The following FRYL variants were observed in gnomAD, a reference collection of about 807,000 sequenced individuals.
FRYL encodes protein furry homolog-like.
In FRYL, 150 loss-of-function variants were observed where a neutral mutation model predicts 351.2. The observed-to-expected ratio is 0.43, with a 90% CI of 0.37 to 0.49. The LOEUF is 0.49. Ranked by LOEUF, FRYL falls within the 20% of genes least tolerant of loss-of-function variation. The probability of loss-of-function intolerance (pLI) is 0.00; values close to 1 mark genes in which losing one functional copy is unlikely to be tolerated. For synonymous variants in FRYL, 1,153 were observed against 1,257.1 expected (o/e 0.92, Z 1.75); for missense variants, 3,036 against 3,619.3 (o/e 0.84, Z 4.13).
At chr4:48,630,140 T>C (rs1161583786) in intron 4 of FRYL, among the ~76,000 whole-genome samples, 2 of 152,152 alleles carry the variant, frequency 1.3e-5, no homozygotes, top group African/African-American at 4.8e-5. Context: ...TTGGGGACTC[T>C]GACAAGTCCC....
chr4:48,608,636 G>T (rs1747356979), intron 9 of FRYL, among the ~76,000 whole-genome samples: 2 of 152,086 alleles, frequency 1.3e-5, no homozygotes, highest in South Asian at 4.1e-4. Flanking sequence ...AGGAATAAAA[G>T]TTCTCACTTG....
intron 2 of FRYL, among the ~76,000 whole-genome samples, chr4:48,693,295 CTTCT>C (rs1346655588): frequency 6.6e-6 from 1 of 152,100 alleles, no homozygotes; most frequent in African/African-American, 2.4e-5. Flanking sequence ...TTTTAAGATT[CTTCT>C]TTATCTATCT....
chr4:48,546,631 A>G (rs1731393310), intron 41 of FRYL: 1 of 204,920 alleles, frequency 4.9e-6, no homozygotes, highest in East Asian at 1.1e-4. Context: ...CTTTTTATAG[A>G]AAATTTTCTA....
At chr4:48,659,923 GAA>G (rs1760328031) in intron 3 of FRYL, among the ~76,000 whole-genome samples, 1 of 98,090 alleles carries the variant, frequency 1.0e-5, no homozygotes, top group African/African-American at 4.0e-5. Flanking sequence ...AGAAGGAGAA[GAA>G]GAAGAAGAAG....
intron 25 of FRYL, among the ~76,000 whole-genome samples, chr4:48,573,716 A>AT (rs1298918931): frequency 6.6e-6 from 1 of 151,740 alleles, no homozygotes; most frequent in Non-Finnish European, 1.5e-5. Flanking sequence ...TGCCTGGCTA[A>AT]TTTTTTGTAT....
At chr4:48,531,440 T>C (rs1727600278) in intron 49 of FRYL, 87 bp from the exon 50 acceptor site, 1 of 782,354 alleles carries the variant, frequency 1.3e-6, no homozygotes, top group Non-Finnish European at 2.1e-6. Flanking sequence ...AAAAATATTA[T>C]TTCTACAAAA....
At chr4:48,639,287 C>T (rs981584679) in intron 3 of FRYL, among the ~76,000 whole-genome samples, 4 of 151,862 alleles carry the variant, frequency 2.6e-5, no homozygotes, top group Admixed American at 1.3e-4. Flanking sequence ...ACTGACAGGA[C>T]GTGACTTCAA....
intron 18 of FRYL, among the ~76,000 whole-genome samples, chr4:48,589,535 A>T (rs149444011): frequency 4.9e-4 from 74 of 152,168 alleles, no homozygotes; most frequent in African/African-American, 1.6e-3. Context: ...CCAGACTGGG[A>T]TCTAGAGTGA....
At chr4:48,749,671 G>A (rs1773048924) in intron 1 of FRYL, among the ~76,000 whole-genome samples, 2 of 152,212 alleles carry the variant, frequency 1.3e-5, no homozygotes, top group Non-Finnish European at 2.9e-5. Context: ...GTGGCATAGA[G>A]AATGTTCTGG....
intron 1 of FRYL, among the ~76,000 whole-genome samples, chr4:48,740,245 A>C (rs1445892241): frequency 6.6e-6 from 1 of 151,946 alleles, no homozygotes; most frequent in African/African-American, 2.4e-5. Context: ...AGCATCCAAA[A>C]TACATAAAGA....
intron 3 of FRYL, among the ~76,000 whole-genome samples, chr4:48,677,141 T>C (rs545974835): frequency 1.3e-5 from 2 of 152,206 alleles, no homozygotes; most frequent in Non-Finnish European, 2.9e-5. Flanking sequence ...TTTAAAATAT[T>C]AGGCTACTTA....
intron 7 of FRYL, among the ~76,000 whole-genome samples, chr4:48,616,596 C>A (rs1268772991): frequency 6.6e-6 from 1 of 152,130 alleles, no homozygotes; most frequent in Non-Finnish European, 1.5e-5. Flanking sequence ...TTACAATGAT[C>A]AGTTGGCACA....
intron 3 of FRYL, among the ~76,000 whole-genome samples, chr4:48,675,466 T>C (rs1203994206): frequency 6.6e-6 from 1 of 152,190 alleles, no homozygotes; most frequent in Non-Finnish European, 1.5e-5. Flanking sequence ...CCCCAGGCAA[T>C]GAGGGACTTA....
In FRYL at chr4:48,710,606, G is replaced by T. The variant is rs1280338850; in HGVS notation, c.-291C>A. On this transcript the variant is annotated 5_prime_UTR_variant, in exon 2 of 64. Transcript: ENST00000358350. ...CATCTAGAAGCTTTTTTGATCTGGA[G>T]CTTGTACTTTACAGGCACTCGAGTG... 4 of 398,452 alleles carry T rather than the reference G, an allele frequency of 1.0e-5. No homozygotes were observed. The highest frequency in any genetic ancestry group is 1.8e-5 in the Non-Finnish European group (4 of 226,070). 24.7% of individuals were successfully genotyped at this position (398,452 alleles called of 1,614,324 possible). A position where few individuals can be genotyped will look rare whatever the true frequency, so the allele number is the denominator to read the frequency against.
At chr4:48,688,648 C>G (rs902904445) in intron 2 of FRYL, among the ~76,000 whole-genome samples, 29 of 142,744 alleles carry the variant, frequency 2.0e-4, no homozygotes, top group African/African-American at 7.4e-4. Context: ...ATTTAACCTT[C>G]TCTTAGTCAA....
chr4:48,538,122 T>C (rs1410968710), intron 47 of FRYL, among the ~76,000 whole-genome samples: 2 of 152,182 alleles, frequency 1.3e-5, no homozygotes, highest in African/African-American at 2.4e-5. Flanking sequence ...GAGTAATCAT[T>C]TTCAAAAGGC....
At chr4:48,592,432 G>C (rs1743611231) in intron 16 of FRYL, among the ~76,000 whole-genome samples, 2 of 151,618 alleles carry the variant, frequency 1.3e-5, no homozygotes, top group Non-Finnish European at 2.9e-5. Flanking sequence ...TCCTAACAAA[G>C]TAAACCTAAT....
chr4:48,648,780 G>T (rs1363419603), intron 3 of FRYL, among the ~76,000 whole-genome samples: 1 of 152,178 alleles, frequency 6.6e-6, no homozygotes, highest in African/African-American at 2.4e-5. Context: ...AACACCCATT[G>T]TATGATTCCA....
At position 48,515,128 on chromosome 4, in the gene FRYL, T is replaced by C; in HGVS notation, c.7837A>G (p.Ser2613Gly). The change falls in exon 56 of 64, where the codon AGT becomes GGT. Residue 2613 changes from serine (S) to glycine (G), a missense_variant. By Grantham distance (56) the Ser-to-Gly change is moderately conservative. This residue lies in a region of FRYL where 1,987 missense variants were observed against 2,311.7 expected (regional missense o/e 0.86). Transcript: ENST00000358350. The stretch of plus-strand genomic sequence containing the variant: ...TCTTCACAGACTGACTCGGGGTAAC[T>C]TTCAGGAGCTAGAGGCTCTGGCATT... ...TEMPEPLAPE[S>G]YPESVCEEDV... is the part of the protein sequence containing the mutation. 2 of 1,614,020 alleles carry C rather than the reference T, an allele frequency of 1.2e-6. No individual in the cohort carries two copies. Among genetic ancestry groups the C allele is most frequent in the South Asian group, 2.2e-5 (2 of 91,084 alleles).
Sources: allele counts gnomAD v4.1 joint callset (sites outside exome capture counted in the v4.1 genomes callset), GRCh38; gene constraint gnomAD v4.1.1; regional missense constraint gnomAD v4.1.1; transcripts MANE v1.5; gene names NCBI Gene and HGNC (gene_info 2026-07-23, HGNC 2026-07-21).